PTPN12: variants seen among roughly 807,000 people sequenced by gnomAD.
PTPN12 encodes tyrosine-protein phosphatase non-receptor type 12.
A neutral mutation model predicts 97.6 loss-of-function variants in PTPN12; 29 were observed. The observed-to-expected ratio is 0.30, with a 90% CI of 0.22 to 0.41. The LOEUF (loss-of-function observed/expected upper bound fraction) is 0.41, where lower values mean the gene tolerates loss of function less well. Ranked by LOEUF, PTPN12 falls within the 10% of genes least tolerant of loss-of-function variation. PTPN12 has a pLI of 1.00. For synonymous variants in PTPN12, 327 were observed against 300.4 expected, an observed-to-expected ratio of 1.09 and a Z score of -0.91; for missense variants, 819 against 926.0, an observed-to-expected ratio of 0.88 and a Z score of 1.50.
chr7:77,610,866 T>G (rs1317070544), intron 10 of PTPN12, 24 bp downstream of exon 10: 5 of 1,589,738 alleles, frequency 3.1e-6, no homozygotes, highest in Non-Finnish European at 4.3e-6. Flanking sequence ...TTTCCCTTTA[T>G]AAACTGCTAT....
chr7:77,558,115 G>A (rs1196513908), intron 1 of PTPN12, among the ~76,000 whole-genome samples: 6 of 151,018 alleles, frequency 4.0e-5, no homozygotes, highest in Non-Finnish European at 7.4e-5. Context: ...GGAGGCTGAG[G>A]CAGGAGAATC....
At chr7:77,582,667 C>G (rs1006922136) in intron 3 of PTPN12, among the ~76,000 whole-genome samples, 12 of 151,614 alleles carry the variant, frequency 7.9e-5, no homozygotes, top group Non-Finnish European at 1.6e-4. Flanking sequence ...GCCTGTAATA[C>G]CAGCTTCTCG....
intron 1 of PTPN12, among the ~76,000 whole-genome samples, chr7:77,546,146 G>T (rs1807211768): frequency 6.6e-6 from 1 of 151,826 alleles, no homozygotes; most frequent in African/African-American, 2.4e-5. Context: ...TGGCCAGGAT[G>T]GTCTCCCCTT....
intron 9 of PTPN12, 165 bp downstream of exon 9, chr7:77,607,466 C>G (rs1386807222): frequency 1.9e-6 from 1 of 521,708 alleles, no homozygotes. Context: ...GGCACAGTGG[C>G]TTACGCCTGT....
intron 6 of PTPN12, among the ~76,000 whole-genome samples, chr7:77,596,980 A>G (rs1376798761): frequency 8.6e-6 from 1 of 116,394 alleles, no homozygotes; most frequent in Non-Finnish European, 1.7e-5. Context: ...CCATTGTGGT[A>G]TCATACAGAA....
chr7:77,631,809 TAA>T (rs1392175785), intron 13 of PTPN12, among the ~76,000 whole-genome samples: 3 of 152,144 alleles, frequency 2.0e-5, no homozygotes, highest in Non-Finnish European at 4.4e-5. Context: ...TTTGGAAAAA[TAA>T]CTAGTATTTC....
At chr7:77,541,370 G>A (rs1446190440) in intron 1 of PTPN12, among the ~76,000 whole-genome samples, 1 of 152,170 alleles carries the variant, frequency 6.6e-6, no homozygotes, top group Non-Finnish European at 1.5e-5. Flanking sequence ...GGTTACAGGT[G>A]TGAGCCACCG....
At chr7:77,634,938 C>T (rs370249615) in intron 14 of PTPN12, among the ~76,000 whole-genome samples, 2 of 152,054 alleles carry the variant, frequency 1.3e-5, no homozygotes, top group Non-Finnish European at 2.9e-5. Context: ...TGCAGTGGCA[C>T]GATCTGGGCT....
chr7:77,575,169 T>TA lies in PTPN12; in HGVS notation c.208+3984dup, dbSNP rs530551745. Among the ~76,000 whole-genome samples the TA allele has an allele frequency of 4.4e-3, 676 of 152,198 alleles. 7 individuals are homozygous for TA. Among genetic ancestry groups the TA allele is most frequent in the African/African-American group, 0.014 (601 of 41,522 alleles). On this transcript the variant is annotated intron_variant, in intron 2 of 17. Coordinates refer to ENST00000248594, the MANE Select transcript of PTPN12 (RefSeq NM_002835.4). ...TATTGAAAGTAATTGTACTGAGAGA[T>TA]ATGTGCTTATTTACTGTTAGATAAC...
chr7:77,636,646 C>A, intron 15 of PTPN12: 1 of 174,428 alleles, frequency 5.7e-6, no homozygotes, highest in South Asian at 1.3e-4. Context: ...TTTGTATTTT[C>A]TCCCATACTT....
intron 5 of PTPN12, among the ~76,000 whole-genome samples, chr7:77,586,442 A>C (rs543683393): frequency 6.5e-4 from 98 of 151,438 alleles, no homozygotes; most frequent in Non-Finnish European, 1.2e-3. Context: ...AGACAGGACC[A>C]GGAACGGTAG....
intron 4 of PTPN12, 90 bp downstream of exon 4, chr7:77,583,740 A>T (rs528884339): frequency 1.4e-4 from 108 of 771,822 alleles, no homozygotes; most frequent in African/African-American, 1.3e-3. Flanking sequence ...GGGGATTTTT[A>T]AAAAATCCAT....
At chr7:77,614,963 A>G in intron 11 of PTPN12, among the ~76,000 whole-genome samples, 1 of 152,324 alleles carries the variant, frequency 6.6e-6, no homozygotes, top group Admixed American at 6.5e-5. Context: ...TAAAATGAAT[A>G]GTGTTTTTTA....
intron 11 of PTPN12, among the ~76,000 whole-genome samples, chr7:77,614,116 C>G (rs1788670678): frequency 6.6e-6 from 1 of 151,902 alleles, no homozygotes; most frequent in Non-Finnish European, 1.5e-5. Context: ...CTCCTGGGCT[C>G]CAACAGTCCT....
At chr7:77,580,111 C>A (rs1403632584) in intron 2 of PTPN12, among the ~76,000 whole-genome samples, 2 of 152,076 alleles carry the variant, frequency 1.3e-5, no homozygotes, top group African/African-American at 4.8e-5. Flanking sequence ...AGTAGAGTAG[C>A]TAAATAAAGA....
At chr7:77,574,386 T>G (rs1251691077) in intron 2 of PTPN12, among the ~76,000 whole-genome samples, 1 of 152,216 alleles carries the variant, frequency 6.6e-6, no homozygotes, top group Non-Finnish European at 1.5e-5. Flanking sequence ...GTAAGTACTG[T>G]TATGTGCCAT....
intron 16 of PTPN12, among the ~76,000 whole-genome samples, 159 bp downstream of exon 16, chr7:77,637,207 C>T (rs1789625219): frequency 6.6e-6 from 1 of 151,948 alleles, no homozygotes; most frequent in African/African-American, 2.4e-5. Flanking sequence ...ATAATTCTTC[C>T]AAATTAATTA....
At chr7:77,585,729 A>G (rs1374479619) in intron 5 of PTPN12, 148 bp downstream of exon 5, 1 of 583,724 alleles carries the variant, frequency 1.7e-6, no homozygotes, top group East Asian at 3.1e-5. Flanking sequence ...ACAAGGGACA[A>G]AATAATCTCT....
At position 77,597,919 on chromosome 7, in the gene PTPN12, A is replaced by G; in HGVS notation, c.552+18A>G. The G allele has an allele frequency of 6.2e-7, 1 of 1,610,872 alleles. No homozygotes were observed. Among genetic ancestry groups the G allele is most frequent in the Non-Finnish European group, 8.5e-7 (1 of 1,178,908 alleles). The stretch of plus-strand genomic sequence containing the variant: ...TTCAAAATGTAGGTACTTACCATTT[A>G]TAGACTATCTGTAAGAATAGTTTTC... On this transcript the variant is annotated intron_variant, in intron 7 of 17. Transcript: ENST00000248594.
Sources: allele counts gnomAD v4.1 joint callset (sites outside exome capture counted in the v4.1 genomes callset), GRCh38; gene constraint gnomAD v4.1.1; transcripts MANE v1.5; gene names NCBI Gene and HGNC (gene_info 2026-07-23, HGNC 2026-07-21).